The following SPG11 variants were observed in gnomAD, a reference collection of about 807,000 sequenced individuals.
The protein encoded by SPG11 is SPG11 vesicle trafficking associated, spatacsin, also known as spatacsin.
In SPG11, 222 loss-of-function variants were observed where a neutral mutation model predicts 274.0. The ratio of observed to expected loss-of-function variants is 0.81; its 90% CI spans 0.73 to 0.91. The LOEUF is 0.91. Ranked by LOEUF, SPG11 falls within the 40% of genes least tolerant of loss-of-function variation. The probability of loss-of-function intolerance (pLI) is 0.00; values close to 1 mark genes in which losing one functional copy is unlikely to be tolerated. For synonymous variants in SPG11, 1,144 were observed against 1,039.7 expected, an observed-to-expected ratio of 1.10 and a Z score of -1.93; for missense variants, 3,114 against 2,872.7, an observed-to-expected ratio of 1.08 and a Z score of -1.92.
chr15:44,571,077 A>T (rs796788520), intron 33 of SPG11, among the ~76,000 whole-genome samples: 7 of 152,332 alleles, frequency 4.6e-5, no homozygotes, highest in African/African-American at 1.7e-4. Context: ...GGCTTTCTAG[A>T]GTAGTGAAAG....
At chr15:44,643,545 T>C (rs1443415332) in intron 7 of SPG11, among the ~76,000 whole-genome samples, 1 of 152,098 alleles carries the variant, frequency 6.6e-6, no homozygotes, top group Admixed American at 6.5e-5. Flanking sequence ...TTAACGTGCA[T>C]AATAAACCTA....
chr15:44,651,424 A>T, intron 6 of SPG11, 67 bp downstream of exon 6: 1 of 1,407,614 alleles, frequency 7.1e-7, no homozygotes, highest in Non-Finnish European at 1.0e-6. Flanking sequence ...ACTGAGGCAG[A>T]AGTAAAATAC....
At chr15:44,603,191 G>A (rs2083240037) in intron 20 of SPG11, among the ~76,000 whole-genome samples, 1 of 151,680 alleles carries the variant, frequency 6.6e-6, no homozygotes, top group Admixed American at 6.6e-5. Flanking sequence ...TAGCACTGTA[G>A]GCACACACAA....
At chr15:44,640,733 T>C (rs777444139) in intron 7 of SPG11, among the ~76,000 whole-genome samples, 14 of 152,162 alleles carry the variant, frequency 9.2e-5, no homozygotes, top group Non-Finnish European at 2.1e-4. Context: ...ACAGGACTTT[T>C]TTATTTTTTA....
chr15:44,651,661 C>T lies in SPG11; in HGVS notation c.1286G>A (p.Cys429Tyr), dbSNP rs374650170. Residue 429 changes from cysteine (C) to tyrosine (Y), a missense_variant, in exon 6 of 40, where the codon TGT (cysteine) becomes TAT (tyrosine). Cys to Tyr is a radical substitution (Grantham distance 194). Transcript: ENST00000261866. ...TGCAGTGAATCCTGTCACAGACACA[C>T]ATTTAAGCTCTATGGGTTCCTCTTG... Reference protein sequence around the residue: ...SEQEEPIELKCVSVTGFTALF... With the variant: ...SEQEEPIELKYVSVTGFTALF... 8 of 1,614,066 alleles carry T rather than the reference C, an allele frequency of 5.0e-6. No homozygotes were observed. The highest frequency in any genetic ancestry group is 4.0e-5 in the African/African-American group (3 of 74,916).
chr15:44,598,808 C>A lies in SPG11; in HGVS notation c.3715G>T (p.Val1239Phe). The change falls in exon 22 of 40, where the codon GTT (valine) becomes TTT (phenylalanine). Residue 1239 changes from valine to phenylalanine, a missense_variant. Physicochemically the swap from Val to Phe is conservative, Grantham distance 50. Coordinates refer to ENST00000261866, the MANE Select transcript of SPG11 (RefSeq NM_025137.4). ...ATGTGGAAGGAGGAGAGCCCTATAA[C>A]ATAGGCTTCATTGCCTACTTGCTGG... ...LIQQVGNEAYVIGLSSFHIPS... is the reference protein window; with the variant it reads ...LIQQVGNEAYFIGLSSFHIPS... 1 of 1,614,198 alleles carries A rather than the reference C, an allele frequency of 6.2e-7. No homozygotes were observed.
intron 26 of SPG11, 123 bp from the exon 27 acceptor site, chr15:44,592,561 G>A (rs1874125658): frequency 8.5e-6 from 6 of 701,840 alleles, no homozygotes; most frequent in South Asian, 7.5e-5. Flanking sequence ...GCTCATGCCT[G>A]TAATGCCAGC....
intron 23 of SPG11, 31 bp downstream of exon 23, chr15:44,598,234 A>G (rs1375113184): frequency 6.5e-7 from 1 of 1,547,218 alleles, no homozygotes; most frequent in Non-Finnish European, 8.9e-7. Context: ...TAAGCTTGTT[A>G]GAAAAGAGGC....
chr15:44,562,796 A>G lies in SPG11; in HGVS notation c.*325T>C, dbSNP rs1426863788. Reference sequence around the variant, plus strand: ...GTAAATAATAATTAAATTTCTTTGAAACTGGAATCTGCAGGTACAGGTATT... The same window carrying G: ...GTAAATAATAATTAAATTTCTTTGAGACTGGAATCTGCAGGTACAGGTATT... On this transcript the variant is annotated 3_prime_UTR_variant, in exon 40 of 40. Coordinates refer to ENST00000261866, the MANE Select transcript of SPG11 (RefSeq NM_025137.4). 3 of 248,598 alleles carry G rather than the reference A, an allele frequency of 1.2e-5. No individual in the cohort carries two copies. The highest frequency in any genetic ancestry group is 2.4e-5 in the Non-Finnish European group (3 of 127,100). The allele number at this position is 248,598 out of a possible 1,614,324, so 15.4% of individuals were successfully genotyped here. A position where few individuals can be genotyped will look rare whatever the true frequency, so the allele number is the denominator to read the frequency against.
intron 28 of SPG11, among the ~76,000 whole-genome samples, chr15:44,588,255 G>C (rs1330796347): frequency 6.6e-6 from 1 of 151,442 alleles, no homozygotes; most frequent in Non-Finnish European, 1.5e-5. Flanking sequence ...GAGTCAATCA[G>C]CAACAAGTTT....
rs1595812352 is a variant in SPG11 at position 44,563,135 on chromosome 15, T to G, written c.7318A>C (p.Met2440Leu). 1 of 1,614,126 alleles carries G rather than the reference T, an allele frequency of 6.2e-7. No individual in the cohort carries two copies. The highest frequency in any genetic ancestry group is 8.5e-7 in the Non-Finnish European group (1 of 1,179,988). Residue 2440 changes from methionine (M) to leucine (L), a missense_variant, in exon 40 of 40, where the codon ATG (methionine) becomes CTG (leucine). Met to Leu is a conservative substitution (Grantham distance 15). Coordinates refer to ENST00000261866, the MANE Select transcript of SPG11 (RefSeq NM_025137.4). The stretch of plus-strand genomic sequence containing the variant: ...TATGAAATCATCTAACCTGCTAGCA[T>G]GTCCTTTAGACAGCAACCTGTCTGA... ...DPQTGCCLKDMLAG is the reference protein window; with the variant it reads ...DPQTGCCLKDLLAG
Position 44,584,555 on chromosome 15 carries a change from T to A in SPG11, c.5125A>T (p.Thr1709Ser), listed in dbSNP as rs1438536090. ...TGTTTTAGGGTCTGCATTTCCTGTG[T>A]TATCTGTGAAATTTAACAAAGCAGA... is the stretch of plus-strand genomic sequence containing the variant. Reference protein sequence around the residue: ...PVDNLVIKEITQEMQTLKHIE... With the variant: ...PVDNLVIKEISQEMQTLKHIE... Residue 1709 changes from threonine to serine, a missense_variant, in exon 30 of 40, where the codon ACA becomes TCA. Transcript: ENST00000261866. 9 of 1,608,544 alleles carry A rather than the reference T, an allele frequency of 5.6e-6. No homozygotes were observed.
At chr15:44,569,945 C>G (rs960461838) in intron 34 of SPG11, among the ~76,000 whole-genome samples, 5 of 152,164 alleles carry the variant, frequency 3.3e-5, no homozygotes, top group African/African-American at 9.7e-5. Flanking sequence ...TGACCTCAGG[C>G]AATCCGCCTG....
intron 30 of SPG11, among the ~76,000 whole-genome samples, chr15:44,581,153 T>C (rs2082651844): frequency 1.3e-5 from 2 of 152,136 alleles, no homozygotes; most frequent in Admixed American, 1.3e-4. Context: ...TCAGACACCA[T>C]GGAGGCGAAA....
chr15:44,662,717 T>C (rs1291780817), intron 1 of SPG11, among the ~76,000 whole-genome samples: 1 of 150,842 alleles, frequency 6.6e-6, no homozygotes, highest in Non-Finnish European at 1.5e-5. Context: ...TCCCAAACTT[T>C]ATGATGTAAA....
At chr15:44,602,412 T>G (rs1420138257) in intron 20 of SPG11, among the ~76,000 whole-genome samples, 1 of 152,192 alleles carries the variant, frequency 6.6e-6, no homozygotes, top group Non-Finnish European at 1.5e-5. Flanking sequence ...TGAGAGTTTT[T>G]ATTATGAAAG....
chr15:44,648,984 C>G lies in SPG11; in HGVS notation c.1484G>C (p.Gly495Ala), dbSNP rs1213215428. Residue 495 changes from glycine (G) to alanine (A), a missense_variant, in exon 7 of 40, where the codon GGT (glycine) becomes GCT (alanine). Physicochemically the swap from Gly to Ala is moderately conservative, Grantham distance 60 (BLOSUM62 0). Transcript: ENST00000261866. Reference sequence around the variant, plus strand: ...GTTTAAAAACTCTTCTTGAGTCAAACCAAACAAAATCAGAGAGAGTCCATT... The same window carrying G: ...GTTTAAAAACTCTTCTTGAGTCAAAGCAAACAAAATCAGAGAGAGTCCATT... ...TENGLSLILFGLTQEEFLNRL... is the reference protein window; with the variant it reads ...TENGLSLILFALTQEEFLNRL... The G allele has an allele frequency of 6.2e-7, 1 of 1,613,606 alleles. No homozygotes were observed. The highest frequency in any genetic ancestry group is 8.5e-7 in the Non-Finnish European group (1 of 1,179,706).
rs370910981 is a variant in SPG11, at chr15:44,662,339, TAAAG to T, written c.257+1048_257+1051del. The stretch of plus-strand genomic sequence containing the variant: ...TAAGACACCTTTTGGCTACTCATCT[TAAAG>T]AAAGAGTTGTGAAAATACTTACTAT... On this transcript the variant is annotated intron_variant, in intron 1 of 39. Transcript: ENST00000261866. Among the ~76,000 whole-genome samples, 894 of 152,180 alleles carry T rather than the reference TAAAG, an allele frequency of 5.9e-3. 16 individuals are homozygous for T. The highest frequency in any genetic ancestry group is 0.02 in the African/African-American group (846 of 41,494).
chr15:44,658,468 T>TA (rs956849690), intron 3 of SPG11, among the ~76,000 whole-genome samples: 16 of 152,130 alleles, frequency 1.1e-4, no homozygotes, highest in African/African-American at 3.9e-4. Flanking sequence ...AAGCTTTTTT[T>TA]TTTTTTTTAA....
Sources: allele counts gnomAD v4.1 joint callset (sites outside exome capture counted in the v4.1 genomes callset), GRCh38; gene constraint gnomAD v4.1.1; transcripts MANE v1.5; gene names NCBI Gene and HGNC (gene_info 2026-07-23, HGNC 2026-07-21).